The following LIPC variants were observed in gnomAD, a reference collection of about 807,000 sequenced individuals.
LIPC encodes the protein hepatic triacylglycerol lipase.
LIPC carries 44 observed loss-of-function variants against 50.7 expected under a neutral mutation model. The observed-to-expected ratio is 0.87, with a 90% confidence interval of 0.68 to 1.11. The LOEUF (loss-of-function observed/expected upper bound fraction) is 1.11, where lower values mean the gene tolerates loss of function less well. Among genes scored for constraint, LIPC ranks in the 50% most tolerant of loss-of-function variants. The probability of loss-of-function intolerance (pLI) is 0.00; values close to 1 mark genes in which losing one functional copy is unlikely to be tolerated. For missense variants in LIPC, 697 were observed against 648.2 expected (o/e 1.08, Z -0.82); for synonymous variants, 271 against 256.4 (o/e 1.06, Z -0.54).
At chr15:58,559,450 T>A (rs1894073831) in intron 6 of LIPC, among the ~76,000 whole-genome samples, 1 of 152,176 alleles carries the variant, frequency 6.6e-6, no homozygotes, top group South Asian at 2.1e-4. Flanking sequence ...TCCCTTATCC[T>A]TTTCCCAAAC....
chr15:58,548,502 C>A lies in LIPC; in HGVS notation c.981C>A (p.His327Gln). 1.2e-6 allele frequency: 2 copies of A among 1,607,214 alleles called. No homozygotes were observed. The highest frequency in any genetic ancestry group is 1.7e-6 in the Non-Finnish European group (2 of 1,176,582). The change falls in exon 6 of 9, where the codon CAC (histidine) becomes CAA (glutamine). Residue 327 changes from histidine (H) to glutamine (Q), a missense_variant. His to Gln is a conservative substitution (Grantham distance 24). Coordinates refer to ENST00000299022, the MANE Select transcript of LIPC (RefSeq NM_000236.3). ...GCCGCTGCAACACGCTGGGCTACCA[C>A]GTCCGCCAGGAGCCGCGGAGCAAGA... ...KKGRCNTLGY[H>Q]VRQEPRSKSK...
At chr15:58,563,465 G>A (rs758624346) in intron 7 of LIPC, 40 bp from the exon 8 acceptor site, 16 of 1,529,332 alleles carry the variant, frequency 1.0e-5, no homozygotes, top group East Asian at 2.2e-5. Flanking sequence ...TTGCTGTTAC[G>A]ACTAAACTGA....
chr15:58,463,509 C>T (rs1443897938), intron 1 of LIPC, among the ~76,000 whole-genome samples: 2 of 152,238 alleles, frequency 1.3e-5, no homozygotes, highest in Non-Finnish European at 2.9e-5. Context: ...CACTGCTCCC[C>T]TTTAAGCTAC....
chr15:58,498,220 C>G (rs1327328119), intron 1 of LIPC, among the ~76,000 whole-genome samples: 1 of 152,198 alleles, frequency 6.6e-6, no homozygotes, highest in Non-Finnish European at 1.5e-5. Flanking sequence ...TCCCCTATCT[C>G]AAATCCAGGA....
intron 1 of LIPC, among the ~76,000 whole-genome samples, chr15:58,507,017 G>T (rs143580617): frequency 6.6e-6 from 1 of 152,280 alleles, no homozygotes; most frequent in East Asian, 1.9e-4. Context: ...AAAACCATCA[G>T]ATCTCGTGAG....
intron 1 of LIPC, among the ~76,000 whole-genome samples, chr15:58,463,593 C>G (rs1894429959): frequency 6.6e-6 from 1 of 152,226 alleles, no homozygotes; most frequent in Non-Finnish European, 1.5e-5. Flanking sequence ...ACCCATGCCC[C>G]TCCTCTAACC....
chr15:58,485,823 C>T (rs1224173573), intron 1 of LIPC, among the ~76,000 whole-genome samples: 3 of 152,236 alleles, frequency 2.0e-5, no homozygotes, highest in Non-Finnish European at 4.4e-5. Flanking sequence ...GCCCCTTCTT[C>T]TCAAAGGCAT....
chr15:58,568,874 A>C lies in LIPC; in HGVS notation c.*47A>C. On this transcript the variant is annotated 3_prime_UTR_variant, in exon 9 of 9. Transcript: ENST00000299022. ...AAAGAATAAATGAATCTTACTCCTT[A>C]TCTGGAATGGCTGCCTTATTTAGAA... The C allele has an allele frequency of 2.7e-6, 3 of 1,106,418 alleles. No homozygotes were observed. Among genetic ancestry groups the C allele is most frequent in the Non-Finnish European group, 4.0e-6 (3 of 751,394 alleles). The allele number at this position is 1,106,418 out of a possible 1,614,324, so 68.5% of individuals were successfully genotyped here.
intron 1 of LIPC, among the ~76,000 whole-genome samples, chr15:58,477,863 C>G (rs1347102064): frequency 1.3e-5 from 2 of 152,190 alleles, no homozygotes; most frequent in Non-Finnish European, 2.9e-5. Flanking sequence ...GGGAACTGAC[C>G]TGAGTCTTGG....
intron 1 of LIPC, among the ~76,000 whole-genome samples, chr15:58,440,514 C>A (rs1186743689): frequency 1.3e-5 from 2 of 152,198 alleles, no homozygotes; most frequent in Non-Finnish European, 2.9e-5. Flanking sequence ...GCCCCATGGT[C>A]AGTAGGAAAG....
At chr15:58,485,279 T>A (rs6494014) in intron 1 of LIPC, among the ~76,000 whole-genome samples, 1 of 152,136 alleles carries the variant, frequency 6.6e-6, no homozygotes, top group Non-Finnish European at 1.5e-5. Context: ...TGGATTCAAG[T>A]GAGTTTTAGG....
intron 1 of LIPC, among the ~76,000 whole-genome samples, chr15:58,437,637 C>T (rs1262031498): frequency 1.3e-5 from 2 of 152,088 alleles, no homozygotes; most frequent in Non-Finnish European, 2.9e-5. Context: ...CGACCTGCCA[C>T]CAGCACCCAA....
chr15:58,566,472 T>C (rs1894369200), intron 8 of LIPC: 14 of 984,606 alleles, frequency 1.4e-5, no homozygotes, highest in Admixed American at 6.1e-5. Flanking sequence ...ATGAGACTAA[T>C]AACAACTACT....
chr15:58,546,083 A>G, intron 5 of LIPC, 108 bp downstream of exon 5: 2 of 973,212 alleles, frequency 2.1e-6, no homozygotes, highest in Non-Finnish European at 3.2e-6. Flanking sequence ...TTCAGCAAGG[A>G]TAGGGGCCCA....
chr15:58,564,701 T>G (rs1431163828), intron 8 of LIPC, among the ~76,000 whole-genome samples: 2 of 152,094 alleles, frequency 1.3e-5, no homozygotes, highest in Non-Finnish European at 2.9e-5. Flanking sequence ...CACTCCAGCC[T>G]GGATGACAGA....
At chr15:58,525,351 T>C (rs1309909903) in intron 1 of LIPC, among the ~76,000 whole-genome samples, 1 of 152,234 alleles carries the variant, frequency 6.6e-6, no homozygotes, top group Non-Finnish European at 1.5e-5. Context: ...ATCTTTACGG[T>C]ACGTGTTAGT....
chr15:58,565,108 C>CT, intron 8 of LIPC: 2 of 1,307,222 alleles, frequency 1.5e-6, no homozygotes, highest in Non-Finnish European at 2.1e-6. Flanking sequence ...CAACCGCACT[C>CT]TGAGATTTTA....
chr15:58,499,077 C>T (rs1429768257), intron 1 of LIPC, among the ~76,000 whole-genome samples: 1 of 152,146 alleles, frequency 6.6e-6, no homozygotes, highest in East Asian at 1.9e-4. Flanking sequence ...AGAGGCCAGG[C>T]TGGGGTGGGA....
chr15:58,502,080 G>A (rs1892002898), intron 1 of LIPC, among the ~76,000 whole-genome samples: 3 of 152,166 alleles, frequency 2.0e-5, no homozygotes, highest in Non-Finnish European at 4.4e-5. Context: ...GTGATTTAGT[G>A]ACCAGAGGGC....
Sources: allele counts gnomAD v4.1 joint callset (sites outside exome capture counted in the v4.1 genomes callset), GRCh38; gene constraint gnomAD v4.1.1; transcripts MANE v1.5; gene names NCBI Gene and HGNC (gene_info 2026-07-23, HGNC 2026-07-21).